Variants in ARHGEF18 observed in about 807,000 individuals in gnomAD.
ARHGEF18 encodes Rho/Rac guanine nucleotide exchange factor 18.
Under a neutral mutation model 155.7 loss-of-function variants are expected in ARHGEF18, and 93 were observed. The ratio of observed to expected loss-of-function variants is 0.60; its 90% CI spans 0.50 to 0.71. The LOEUF is 0.71. ARHGEF18 is among the 30% of genes least tolerant of loss of function. The probability of loss-of-function intolerance (pLI) is 0.00; values close to 1 mark genes in which losing one functional copy is unlikely to be tolerated. For synonymous variants in ARHGEF18, 742 were observed against 753.1 expected (o/e 0.99, Z 0.24); for missense variants, 1,593 against 1,816.1 (o/e 0.88, Z 2.23).
chr19:7,470,654 A>C lies in ARHGEF18; in HGVS notation c.*356A>C. 2.5e-6 allele frequency: 1 copy of C among 396,650 alleles called. No homozygotes were observed. The highest frequency in any genetic ancestry group is 4.5e-6 in the Non-Finnish European group (1 of 224,632). 24.6% of individuals were successfully genotyped at this position (396,650 alleles called of 1,614,324 possible). A position where few individuals can be genotyped will look rare whatever the true frequency, so the allele number is the denominator to read the frequency against. ...AGCTGTTTTTCCGAGGCAGTGAGGA[A>C]CGGTGCCGGCTCTGCACGGAGCTGA... On this transcript the variant is annotated 3_prime_UTR_variant, in exon 29 of 29. Coordinates refer to ENST00000668164, the MANE Select transcript of ARHGEF18 (RefSeq NM_001367823.1). This position sits in a 1 kb window ranked among gnomAD's most constrained non-coding sequence, Gnocchi z 5.9.
intron 6 of ARHGEF18, 61 bp downstream of exon 6, chr19:7,378,512 T>A (rs1256063478): frequency 8.2e-7 from 1 of 1,219,936 alleles, no homozygotes; most frequent in Non-Finnish European, 1.0e-6. Context: ...AAGTCAGGGC[T>A]GCGGGAGGAG....
intron 2 of ARHGEF18, among the ~76,000 whole-genome samples, chr19:7,365,716 G>A (rs574555638): frequency 1.8e-4 from 28 of 152,266 alleles, no homozygotes; most frequent in Non-Finnish European, 3.5e-4. Context: ...TTTGTCTTCA[G>A]AGCTGGAGAC....
chr19:7,412,365 C>T (rs920745509), intron 10 of ARHGEF18, among the ~76,000 whole-genome samples: 3 of 152,058 alleles, frequency 2.0e-5, no homozygotes, highest in African/African-American at 7.2e-5. Flanking sequence ...GCAGCTGCCC[C>T]ATTTTACCTT....
At chr19:7,383,263 C>T in intron 10 of ARHGEF18, 60 bp downstream of exon 10, 1 of 1,230,876 alleles carries the variant, frequency 8.1e-7, no homozygotes, top group Non-Finnish European at 1.0e-6. Flanking sequence ...TCTTCACGTC[C>T]TTTCAATCAT....
chr19:7,467,732 CA>C (rs1976748583), intron 26 of ARHGEF18, 48 bp downstream of exon 26: 1 of 1,414,382 alleles, frequency 7.1e-7, no homozygotes, highest in African/African-American at 1.5e-5. Context: ...GACCGGTTTG[CA>C]CGTGCATTTG....
At chr19:7,466,845 G>GAAAAAAAAA in intron 23 of ARHGEF18, 73 bp from the exon 24 acceptor site, 1 of 726,708 alleles carries the variant, frequency 1.4e-6, no homozygotes, top group Non-Finnish European at 2.2e-6. Context: ...AAAAGAAGAA[G>GAAAAAAAAA]AAGAAGAAGG....
In ARHGEF18 at chr19:7,463,821, AG is replaced by A; in HGVS notation, c.2642del (p.Gly881AlafsTer5). 6.2e-7 allele frequency: 1 copy of A among 1,606,516 alleles called. No homozygotes were observed. Among genetic ancestry groups the A allele is most frequent in the South Asian group, 1.1e-5 (1 of 89,822 alleles). On this transcript the variant is annotated frameshift_variant, in exon 22 of 29. Coordinates refer to ENST00000668164, the MANE Select transcript of ARHGEF18 (RefSeq NM_001367823.1). LOFTEE classifies it high-confidence loss of function. The surrounding 1 kb of genome is among the most constrained non-coding windows in gnomAD (Gnocchi z 5.2). ...LILKSAMSEI[E>X]GIQSLICRQL... ...TCCTGTCCCCTTCCTTCCACAGTCG[AG>A]GGCATCCAGAGCCTGATCTGCAGGC...
intron 3 of ARHGEF18, among the ~76,000 whole-genome samples, chr19:7,373,485 T>TGG (rs1568275365): frequency 2.4e-5 from 3 of 123,344 alleles, no homozygotes; most frequent in African/African-American, 1.4e-4. Flanking sequence ...TTGTTTTTGT[T>TGG]TTTTTTTTGA....
At chr19:7,355,477 C>T in intron 1 of ARHGEF18, 1 of 379,604 alleles carries the variant, frequency 2.6e-6, no homozygotes. Flanking sequence ...GCTGGAAACC[C>T]CAGCCCCCCT....
At chr19:7,465,969 A>C (rs538644005) in intron 23 of ARHGEF18, among the ~76,000 whole-genome samples, 3 of 152,210 alleles carry the variant, frequency 2.0e-5, no homozygotes, top group African/African-American at 7.2e-5. Context: ...CTGTAATCCC[A>C]GCTACTCAGG....
At chr19:7,460,536 TAAC>T (rs1004397324) in intron 20 of ARHGEF18, among the ~76,000 whole-genome samples, 2 of 152,008 alleles carry the variant, frequency 1.3e-5, no homozygotes, top group African/African-American at 4.8e-5. Context: ...CCGTCCCCCT[TAAC>T]AGTCACTCCC....
At chr19:7,381,197 G>C (rs1417728818) in intron 8 of ARHGEF18, among the ~76,000 whole-genome samples, 1 of 152,114 alleles carries the variant, frequency 6.6e-6, no homozygotes, top group Non-Finnish European at 1.5e-5. Context: ...AGGAGGTGAC[G>C]ATGTAAGCAG....
intron 10 of ARHGEF18, among the ~76,000 whole-genome samples, chr19:7,437,294 G>A (rs1327171551): frequency 2.0e-5 from 3 of 149,418 alleles, no homozygotes; most frequent in African/African-American, 7.5e-5. Context: ...CGGGTGTGGT[G>A]GCACATGCCT....
chr19:7,373,849 ATTTT>A (rs57703407), intron 3 of ARHGEF18, among the ~76,000 whole-genome samples: 4 of 122,048 alleles, frequency 3.3e-5, no homozygotes, highest in Non-Finnish European at 3.3e-5. Context: ...TCCTATGAGA[ATTTT>A]TTTTTTTTTT....
intron 3 of ARHGEF18, among the ~76,000 whole-genome samples, chr19:7,375,155 C>A (rs1341222959): frequency 1.3e-5 from 2 of 151,366 alleles, no homozygotes; most frequent in Admixed American, 1.3e-4. Context: ...GCCTGTAATC[C>A]CAGCTATTTG....
At position 7,419,085 on chromosome 19, in the gene ARHGEF18, A is replaced by AC. The variant is rs1177948335; in HGVS notation, c.968-21256dup. Among the ~76,000 whole-genome samples the AC allele has an allele frequency of 3.5e-4, 43 of 122,698 alleles. 2 individuals are homozygous for AC. Among genetic ancestry groups the AC allele is most frequent in the African/African-American group, 1.1e-3 (29 of 26,440 alleles). 80.5% of individuals were successfully genotyped at this position (122,698 alleles called of 152,430 possible). ...AGATGTACCCACACTCGGCCTCTGT[A>AC]CCCTGATGTACCCACACTTGGCCTC... On this transcript the variant is annotated intron_variant, in intron 10 of 28. Transcript: ENST00000668164.
intron 2 of ARHGEF18, among the ~76,000 whole-genome samples, chr19:7,368,298 C>T (rs1185434560): frequency 6.6e-6 from 1 of 152,006 alleles, no homozygotes; most frequent in African/African-American, 2.4e-5. Context: ...ATGGGGGATC[C>T]CATCCCCCAA....
intron 1 of ARHGEF18, among the ~76,000 whole-genome samples, 162 bp downstream of exon 1, chr19:7,349,403 C>G (rs1162595228): frequency 2.0e-5 from 3 of 152,042 alleles, no homozygotes; most frequent in African/African-American, 7.2e-5. Context: ...CTGTTTGACC[C>G]TTGCGTTCAT....
At chr19:7,404,611 C>G (rs909331554) in intron 10 of ARHGEF18, among the ~76,000 whole-genome samples, 48 of 152,078 alleles carry the variant, frequency 3.2e-4, no homozygotes, top group African/African-American at 1.1e-3. Context: ...AGGCGCCCAC[C>G]ACCACACCCG....
Sources: allele counts gnomAD v4.1 joint callset (sites outside exome capture counted in the v4.1 genomes callset), GRCh38; gene constraint gnomAD v4.1.1; non-coding constraint Gnocchi (gnomAD v3.1); transcripts MANE v1.5; gene names NCBI Gene and HGNC (gene_info 2026-07-23, HGNC 2026-07-21).